The following SGCZ variants were observed in gnomAD, a reference collection of about 807,000 sequenced individuals.
SGCZ encodes zeta-sarcoglycan.
Under a neutral mutation model 41.3 loss-of-function variants are expected in SGCZ, and 40 were observed. The ratio of observed to expected loss-of-function variants is 0.97; its 90% CI spans 0.75 to 1.26. SGCZ has a LOEUF of 1.26. Among genes scored for constraint, SGCZ ranks in the 50% most tolerant of loss-of-function variants. The pLI is 0.00. For synonymous variants in SGCZ, 206 were observed against 137.5 expected (o/e 1.50, Z -3.49); for missense variants, 552 against 369.8 (o/e 1.49, Z -4.04).
intron 2 of SGCZ, among the ~76,000 whole-genome samples, chr8:14,361,749 G>A (rs1803521624): frequency 6.6e-6 from 1 of 152,192 alleles, no homozygotes; most frequent in African/African-American, 2.4e-5. Flanking sequence ...TTCCTTTGGA[G>A]GAGAAGAGGC....
chr8:14,403,675 G>A (rs1799137527), intron 2 of SGCZ, among the ~76,000 whole-genome samples: 2 of 152,152 alleles, frequency 1.3e-5, no homozygotes, highest in South Asian at 2.1e-4. Flanking sequence ...ATTTTCATAA[G>A]TCAGTATTTC....
At chr8:14,563,938 T>A (rs1804281923) in intron 1 of SGCZ, among the ~76,000 whole-genome samples, 1 of 152,052 alleles carries the variant, frequency 6.6e-6, no homozygotes, top group Non-Finnish European at 1.5e-5. Context: ...ACCCTGAATA[T>A]AATGAGGAGA....
chr8:14,605,729 T>C (rs1448649781), intron 1 of SGCZ, among the ~76,000 whole-genome samples: 2 of 152,200 alleles, frequency 1.3e-5, no homozygotes, highest in Non-Finnish European at 2.9e-5. Flanking sequence ...TTTGCAGATA[T>C]AGTTACTGTT....
intron 2 of SGCZ, among the ~76,000 whole-genome samples, chr8:14,451,950 G>C (rs1279834366): frequency 2.0e-5 from 3 of 152,140 alleles, no homozygotes; most frequent in Non-Finnish European, 2.9e-5. Flanking sequence ...AACATAGTCA[G>C]TTTACGATCC....
chr8:14,982,336 T>C (rs7018087), intron 1 of SGCZ, among the ~76,000 whole-genome samples: 27,042 of 152,146 alleles, frequency 0.18, 3,043 homozygotes, highest in East Asian at 0.4. Flanking sequence ...CAGATTTCAA[T>C]ACTTGCTTTA....
rs534420191 is a variant in SGCZ at position 15,028,214 on chromosome 8, G to A, written c.39+209371C>T. 5.3e-5 allele frequency among the ~76,000 whole-genome samples: 8 copies of A among 152,224 alleles called. 1 individual carries two copies. Among genetic ancestry groups the A allele is most frequent in the African/African-American group, 1.9e-4 (8 of 41,574 alleles). Reference sequence around the variant, plus strand: ...TCATTCCATCAGAATTTAGAATGAGGTTGCATTAAGGAAAGTGCTCTCATC... The same window carrying A: ...TCATTCCATCAGAATTTAGAATGAGATTGCATTAAGGAAAGTGCTCTCATC... On this transcript the variant is annotated intron_variant, in intron 1 of 7. Coordinates refer to ENST00000382080, the MANE Select transcript of SGCZ (RefSeq NM_139167.4).
At chr8:14,101,523 T>C (rs1802020203) in intron 7 of SGCZ, among the ~76,000 whole-genome samples, 1 of 152,230 alleles carries the variant, frequency 6.6e-6, no homozygotes, top group Admixed American at 6.5e-5. Context: ...CAAAGTATTA[T>C]TTAAAGCAGA....
chr8:14,472,361 C>G (rs1801236534), intron 2 of SGCZ, among the ~76,000 whole-genome samples: 1 of 151,852 alleles, frequency 6.6e-6, no homozygotes, highest in Admixed American at 6.6e-5. Flanking sequence ...AGGTATTTAC[C>G]CAATCAATAC....
intron 2 of SGCZ, among the ~76,000 whole-genome samples, chr8:14,456,243 T>C (rs934230938): frequency 2.0e-5 from 3 of 152,078 alleles, no homozygotes; most frequent in Admixed American, 6.6e-5. Flanking sequence ...ACCCTGTCTC[T>C]ACTAAATATA....
At chr8:14,975,901 T>C (rs1490290598) in intron 1 of SGCZ, among the ~76,000 whole-genome samples, 1 of 148,300 alleles carries the variant, frequency 6.7e-6, no homozygotes, top group Non-Finnish European at 1.5e-5. Context: ...CACACATATA[T>C]ATACACACAC....
intron 2 of SGCZ, among the ~76,000 whole-genome samples, chr8:14,427,427 ATACTT>A (rs2117325261): frequency 1.3e-5 from 2 of 152,290 alleles, no homozygotes; most frequent in East Asian, 3.9e-4. Flanking sequence ...AATTCTTTGA[ATACTT>A]TAGATCATAC....
At chr8:14,887,855 G>C (rs886838472) in intron 1 of SGCZ, among the ~76,000 whole-genome samples, 1 of 152,094 alleles carries the variant, frequency 6.6e-6, no homozygotes, top group Admixed American at 6.6e-5. Flanking sequence ...CCATATAGTT[G>C]CAAAAGACAG....
intron 5 of SGCZ, among the ~76,000 whole-genome samples, chr8:14,141,719 G>C (rs1262182386): frequency 6.6e-6 from 1 of 152,202 alleles, no homozygotes; most frequent in East Asian, 1.9e-4. Context: ...CTGTTGATGG[G>C]AGTGTAAACT....
In SGCZ at chr8:14,535,924, TA is replaced by T. The variant is rs571638254; in HGVS notation, c.234+18807del. Among the ~76,000 whole-genome samples the T allele has an allele frequency of 2.6e-5, 4 of 151,972 alleles. No homozygotes were observed. The South Asian group carries it at 8.3e-4, about 31-fold the overall frequency. On this transcript the variant is annotated intron_variant, in intron 2 of 7. Coordinates refer to ENST00000382080, the MANE Select transcript of SGCZ (RefSeq NM_139167.4). ...TCTGTGTGAGGGTACATGGGAACTC[TA>T]TACTATTTTACAAATTATTGATGAT...
chr8:14,359,484 A>G (rs541580682), intron 2 of SGCZ, among the ~76,000 whole-genome samples: 2 of 152,260 alleles, frequency 1.3e-5, no homozygotes, highest in South Asian at 2.1e-4. Flanking sequence ...TATGCCACAA[A>G]ACAAATCTTA....
At chr8:15,185,407 G>A (rs1395453157) in intron 1 of SGCZ, among the ~76,000 whole-genome samples, 3 of 152,122 alleles carry the variant, frequency 2.0e-5, no homozygotes, top group Admixed American at 6.5e-5. Context: ...AAAATATACC[G>A]TGTTCACCAT....
intron 5 of SGCZ, among the ~76,000 whole-genome samples, chr8:14,150,011 T>G (rs1487930830): frequency 6.6e-6 from 1 of 152,098 alleles, no homozygotes; most frequent in East Asian, 1.9e-4. Context: ...TCTTGCCATA[T>G]ACAATAAACA....
intron 5 of SGCZ, among the ~76,000 whole-genome samples, chr8:14,146,890 A>AAAAAAAAAAAAAAAAAAATAAT (rs1182329393): frequency 1.7e-5 from 2 of 116,258 alleles, no homozygotes; most frequent in African/African-American, 7.2e-5. Context: ...AAAATAAAAA[A>AAAAAAAAAAAAAAAAAAATAAT]AATAATAATA....
chr8:15,128,920 A>G (rs1236289678), intron 1 of SGCZ, among the ~76,000 whole-genome samples: 1 of 152,104 alleles, frequency 6.6e-6, no homozygotes, highest in Non-Finnish European at 1.5e-5. Context: ...GTCTGATCAT[A>G]CCACCATTCC....
Sources: allele counts gnomAD v4.1 joint callset (sites outside exome capture counted in the v4.1 genomes callset), GRCh38; gene constraint gnomAD v4.1.1; transcripts MANE v1.5; gene names NCBI Gene and HGNC (gene_info 2026-07-23, HGNC 2026-07-21).